The following SEC14L1 variants were observed in gnomAD, a reference collection of about 807,000 sequenced individuals.
SEC14L1 encodes the protein SEC14 like lipid binding 1, also known as SEC14-like protein 1.
A neutral mutation model predicts 85.3 loss-of-function variants in SEC14L1; 48 were observed. The ratio of observed to expected loss-of-function variants is 0.56; its 90% CI spans 0.45 to 0.72. The LOEUF (loss-of-function observed/expected upper bound fraction) is 0.72, where lower values mean the gene tolerates loss of function less well. Ranked by LOEUF, SEC14L1 falls within the 30% of genes least tolerant of loss-of-function variation. The pLI is 0.00. For missense variants in SEC14L1, 682 were observed against 921.4 expected (o/e 0.74, Z 3.36); for synonymous variants, 391 against 355.5 (o/e 1.10, Z -1.12).
intron 3 of SEC14L1, chr17:77,094,295 G>A (rs1483462650): frequency 2.0e-5 from 3 of 152,074 alleles, no homozygotes; most frequent in Non-Finnish European, 4.4e-5. Context: ...TGGGATTACA[G>A]GTATGAGCTA....
At chr17:77,146,830 GAT>G (rs1416582310) in intron 3 of SEC14L1, among the ~76,000 whole-genome samples, 1 of 152,118 alleles carries the variant, frequency 6.6e-6, no homozygotes, top group Non-Finnish European at 1.5e-5. Flanking sequence ...GACTGTGAGT[GAT>G]GTTTGTGTGG....
At chr17:77,100,837 A>T (rs1012834372) in intron 3 of SEC14L1, among the ~76,000 whole-genome samples, 1 of 151,844 alleles carries the variant, frequency 6.6e-6, no homozygotes, top group African/African-American at 2.4e-5. Flanking sequence ...ATCCATTCCA[A>T]TTTTTTTCTT....
intron 3 of SEC14L1, among the ~76,000 whole-genome samples, chr17:77,158,400 TG>T (rs1349637920): frequency 1.3e-5 from 2 of 152,228 alleles, no homozygotes; most frequent in Non-Finnish European, 1.5e-5. Flanking sequence ...GTACCTCTTA[TG>T]GGTAGAATGA....
upstream of SEC14L1, among the ~76,000 whole-genome samples, chr17:77,139,108 T>C (rs1211864013): frequency 6.6e-6 from 1 of 152,180 alleles, no homozygotes; most frequent in Non-Finnish European, 1.5e-5. Flanking sequence ...TCCTCTATTC[T>C]GTATTTCCTG....
intron 6 of SEC14L1, 135 bp downstream of exon 6, chr17:77,193,684 C>A (rs777191964): frequency 5.6e-6 from 5 of 894,566 alleles, no homozygotes; most frequent in African/African-American, 1.7e-5. Flanking sequence ...ATCCCTACCC[C>A]CTGCCTCATC....
chr17:77,176,321 G>C (rs77502881), intron 3 of SEC14L1, among the ~76,000 whole-genome samples: 6,767 of 152,136 alleles, frequency 0.044, 227 homozygotes, highest in Admixed American at 0.11. Context: ...ATTAGGAAAG[G>C]ATAGGTATAT....
intron 15 of SEC14L1, 25 bp downstream of exon 15, chr17:77,212,226 G>A (rs750020462): frequency 3.4e-5 from 55 of 1,609,442 alleles, no homozygotes; most frequent in East Asian, 4.5e-5. Context: ...AGGTCAAATC[G>A]CGCATCCGTG....
At chr17:77,203,740 C>A (rs1976305467) in intron 10 of SEC14L1, 82 bp downstream of exon 10, 3 of 997,854 alleles carry the variant, frequency 3.0e-6, no homozygotes, top group African/African-American at 1.6e-5. Flanking sequence ...TGTTAACCAG[C>A]CTGTTAGAAC....
At chr17:77,146,379 A>C (rs1973306782) in intron 3 of SEC14L1, among the ~76,000 whole-genome samples, 1 of 152,194 alleles carries the variant, frequency 6.6e-6, no homozygotes. Flanking sequence ...CGTTAGATTT[A>C]ATAAAAGAGG....
intron 3 of SEC14L1, among the ~76,000 whole-genome samples, chr17:77,108,718 G>T (rs1473138912): frequency 7.1e-6 from 1 of 140,934 alleles, no homozygotes; most frequent in African/African-American, 2.7e-5. Flanking sequence ...CAGTGTGGCC[G>T]ACAGAGCCAG....
chr17:77,200,932 G>A (rs1363710520), intron 9 of SEC14L1, among the ~76,000 whole-genome samples: 5 of 152,244 alleles, frequency 3.3e-5, no homozygotes, highest in Non-Finnish European at 7.3e-5. Context: ...TTGGGCAAAT[G>A]ACTTCACTTG....
At chr17:77,203,857 CAGTG>C (rs1385165640) in intron 10 of SEC14L1, among the ~76,000 whole-genome samples, 199 bp downstream of exon 10, 1 of 152,206 alleles carries the variant, frequency 6.6e-6, no homozygotes, top group Non-Finnish European at 1.5e-5. Flanking sequence ...GTGGAAGCGT[CAGTG>C]AGGCAGTCAG....
chr17:77,212,719 A>G (rs901721815), intron 15 of SEC14L1: 1 of 166,898 alleles, frequency 6.0e-6, no homozygotes, highest in Admixed American at 5.8e-5. Context: ...TTCATAATAG[A>G]TGCATCGTTT....
At chr17:77,157,336 A>G (rs1040495920) in intron 3 of SEC14L1, among the ~76,000 whole-genome samples, 1 of 152,170 alleles carries the variant, frequency 6.6e-6, no homozygotes, top group Non-Finnish European at 1.5e-5. Context: ...TTATAATGTA[A>G]ATTCGAAGAG....
intron 3 of SEC14L1, among the ~76,000 whole-genome samples, chr17:77,174,226 C>T (rs376000012): frequency 2.0e-5 from 3 of 152,120 alleles, no homozygotes; most frequent in Admixed American, 2.0e-4. Flanking sequence ...GCCTCTTGCA[C>T]TCTTTCTTTA....
intron 3 of SEC14L1, among the ~76,000 whole-genome samples, chr17:77,112,096 A>C (rs1309853668): frequency 2.0e-5 from 3 of 152,082 alleles, no homozygotes; most frequent in African/African-American, 7.2e-5. Flanking sequence ...AGTTCTCAGG[A>C]GATCTGATGG....
In SEC14L1 at chr17:77,193,540, C is replaced by T. The variant is rs143322226; in HGVS notation, c.465C>T (p.Asn155=). The change falls in exon 6 of 17, where the codon AAC becomes AAT. Residue 155 remains asparagine (N), a synonymous_variant. Coordinates refer to ENST00000436233, the MANE Select transcript of SEC14L1 (RefSeq NM_001143998.2). The stretch of plus-strand genomic sequence containing the variant: ...TTGCAATGAAACAATATACCAGCAA[C>T]ATTAAAAAAGTGAGTGTATCTTGGG... ...EKIAMKQYTS[N]IKKGKEIIEY... is the part of the protein sequence containing the mutation. 9.4e-5 allele frequency: 151 copies of T among 1,608,320 alleles called. No individual in the cohort carries two copies. The African/African-American group carries it at 1.6e-3, about 17-fold the overall frequency.
At chr17:77,156,211 C>T (rs777828721) in intron 3 of SEC14L1, among the ~76,000 whole-genome samples, 7 of 152,078 alleles carry the variant, frequency 4.6e-5, no homozygotes, top group Non-Finnish European at 1.0e-4. Context: ...GGTCTCTCTG[C>T]CTCTCTCTGT....
chr17:77,182,432 C>T lies in SEC14L1; in HGVS notation c.64-8371C>T, dbSNP rs187849299. Among the ~76,000 whole-genome samples the T allele has an allele frequency of 3.3e-5, 5 of 152,152 alleles. No individual in the cohort carries two copies. The East Asian group carries it at 5.8e-4, about 18-fold the overall frequency. On this transcript the variant is annotated intron_variant, in intron 3 of 16. Transcript: ENST00000436233. ...AGGAAGGTGGGAGGAAGCAGTTACC[C>T]GGGAGGAGCTTCCTCTCAGGGTCAG...
Sources: allele counts gnomAD v4.1 joint callset (sites outside exome capture counted in the v4.1 genomes callset), GRCh38; gene constraint gnomAD v4.1.1; transcripts MANE v1.5; gene names NCBI Gene and HGNC (gene_info 2026-07-23, HGNC 2026-07-21).